Variants in DNA2 observed in about 807,000 individuals in gnomAD.
DNA2 encodes the protein DNA replication ATP-dependent helicase/nuclease DNA2.
A neutral mutation model predicts 119.1 loss-of-function variants in DNA2; 101 were observed. That is an observed-to-expected ratio of 0.85 (90% CI 0.72 to 1.00). The LOEUF (loss-of-function observed/expected upper bound fraction) is 1.00. Among genes scored for constraint, DNA2 ranks in the 50% least tolerant of loss-of-function variants. The pLI is 0.00. For synonymous variants in DNA2, 366 were observed against 424.4 expected (o/e 0.86, Z 1.69); for missense variants, 1,121 against 1,255.5 (o/e 0.89, Z 1.62).
At position 68,437,246 on chromosome 10, in the gene DNA2, G is replaced by A; in HGVS notation, c.1416-5C>T. ...ATGCAACTGCCACTCTTCTCCCTAT[G>A]AAAAGACCAAAGAGAAAAAAACTTC... On this transcript the variant is annotated splice_polypyrimidine_tract_variant and splice_region_variant and intron_variant, in intron 9 of 20. Transcript: ENST00000358410. 1 of 1,590,154 alleles carries A rather than the reference G, an allele frequency of 6.3e-7. No individual in the cohort carries two copies. Among genetic ancestry groups the A allele is most frequent in the Non-Finnish European group, 8.6e-7 (1 of 1,165,498 alleles).
At chr10:68,420,914 T>C (rs2051655896) in intron 17 of DNA2, among the ~76,000 whole-genome samples, 1 of 152,154 alleles carries the variant, frequency 6.6e-6, no homozygotes, top group South Asian at 2.1e-4. Context: ...AATTTTGCTA[T>C]GAACCTAAAA....
intron 5 of DNA2, 64 bp downstream of exon 5, chr10:68,459,040 C>T (rs2052221737): frequency 2.9e-6 from 4 of 1,363,440 alleles, no homozygotes; most frequent in African/African-American, 1.5e-5. Context: ...TGATTCAACA[C>T]ACAGAATGGC....
At position 68,438,917 on chromosome 10, in the gene DNA2, CA is replaced by C. The variant is rs1466612851; in HGVS notation, c.1416-1677del. On this transcript the variant is annotated intron_variant, in intron 9 of 20. Transcript: ENST00000358410. ...GCATGGTGGCAAGCACCTGTAATCC[CA>C]GCTATTCAGGAGGCTGAGGCAGGAG... Among the ~76,000 whole-genome samples the C allele has an allele frequency of 2.7e-5, 4 of 150,818 alleles. No homozygotes were observed. In the East Asian group the frequency reaches 7.9e-4, roughly 30 times the overall value.
intron 9 of DNA2, among the ~76,000 whole-genome samples, chr10:68,440,302 A>T (rs1261384236): frequency 2.6e-5 from 4 of 151,886 alleles, no homozygotes; most frequent in African/African-American, 9.7e-5. Flanking sequence ...TTTTTTATTT[A>T]TTTATTTATT....
At chr10:68,425,518 C>T (rs2051728714) in intron 14 of DNA2, among the ~76,000 whole-genome samples, 1 of 151,342 alleles carries the variant, frequency 6.6e-6, no homozygotes, top group African/African-American at 2.4e-5. Context: ...TCTCCTGCCT[C>T]AGCCTCCCAA....
chr10:68,457,540 TC>T (rs2052200593), intron 5 of DNA2, among the ~76,000 whole-genome samples: 1 of 152,120 alleles, frequency 6.6e-6, no homozygotes. Flanking sequence ...CACAGTCTGG[TC>T]CCCTGCTGTT....
At chr10:68,419,754 C>CTTTTTTTTTTTTTTTTTTTTTTTTTT in intron 18 of DNA2, 49 bp downstream of exon 18, 1 of 1,390,710 alleles carries the variant, frequency 7.2e-7, no homozygotes, top group African/African-American at 1.4e-5. Flanking sequence ...GTCTAACATT[C>CTTTTTTTTTTTTTTTTTTTTTTTTTT]TTTTATTCTG....
Position 68,424,936 on chromosome 10 carries a change from G to C in DNA2, c.2209-2046C>G, listed in dbSNP as rs183105492. On this transcript the variant is annotated intron_variant, in intron 14 of 20. Transcript: ENST00000358410. ...ATTATTGAACACAAAGCCAAGTCTC[G>C]ACAAGTCAGAAAAGAGAAAGGCAAA... 2.7e-4 allele frequency: 183 copies of C among 680,646 alleles called. No individual in the cohort carries two copies. In the East Asian group the frequency reaches 5.1e-3, roughly 19 times the overall value. 42.2% of individuals were successfully genotyped at this position (680,646 alleles called of 1,614,324 possible). A position where few individuals can be genotyped will look rare whatever the true frequency, so the allele number is the denominator to read the frequency against.
chr10:68,453,251 A>G (rs2052143119), intron 5 of DNA2, among the ~76,000 whole-genome samples: 2 of 152,156 alleles, frequency 1.3e-5, no homozygotes, highest in South Asian at 4.1e-4. Flanking sequence ...GTACTACTTT[A>G]GCTATAGTCT....
At chr10:68,454,757 G>T (rs567496373) in intron 5 of DNA2, among the ~76,000 whole-genome samples, 4 of 151,936 alleles carry the variant, frequency 2.6e-5, no homozygotes, top group African/African-American at 9.6e-5. Flanking sequence ...AGTGAGCCGA[G>T]ATTGCGCCAC....
At chr10:68,428,408 T>C (rs115428304) in intron 14 of DNA2, among the ~76,000 whole-genome samples, 2,045 of 150,636 alleles carry the variant, frequency 0.014, 65 homozygotes, top group African/African-American at 0.047. Context: ...AAAAACAGTT[T>C]GGCAGATTAA....
chr10:68,440,719 T>C (rs1314517557), intron 9 of DNA2, among the ~76,000 whole-genome samples: 1 of 152,158 alleles, frequency 6.6e-6, no homozygotes, highest in Non-Finnish European at 1.5e-5. Context: ...ACGCAGTCTA[T>C]CCACAATTAC....
chr10:68,420,293 C>T (rs1017987519), intron 17 of DNA2, among the ~76,000 whole-genome samples: 1 of 152,214 alleles, frequency 6.6e-6, no homozygotes, highest in Non-Finnish European at 1.5e-5. Context: ...AATCCCAGCA[C>T]TTTGGGAGGC....
intron 2 of DNA2, 120 bp downstream of exon 2, chr10:68,469,861 G>A (rs2052365955): frequency 2.2e-6 from 2 of 893,928 alleles, no homozygotes; most frequent in African/African-American, 1.7e-5. Context: ...ATTAGGCTAA[G>A]ATCAAACCTA....
chr10:68,458,154 CATA>C (rs2052209976), intron 5 of DNA2, among the ~76,000 whole-genome samples: 2 of 150,768 alleles, frequency 1.3e-5, no homozygotes, highest in East Asian at 3.9e-4. Context: ...GCCTGGGGGA[CATA>C]ATGAGACTCC....
intron 12 of DNA2, 35 bp from the exon 13 acceptor site, chr10:68,432,006 T>C (rs779038287): frequency 1.3e-6 from 2 of 1,486,468 alleles, no homozygotes; most frequent in African/African-American, 2.8e-5. Context: ...GGAAAAAGAG[T>C]GTTGAATTTC....
chr10:68,416,745 C>T lies in DNA2; in HGVS notation c.3078G>A (p.Leu1026=). The part of the protein sequence containing the change: ...CVPSLNCYPP[L]EKLLNHLNSE... Reference sequence around the variant, plus strand: ...AGTTTAAATGATTAAGCAGCTTCTCCAAAGGAGGATAGCAATTTAGTGAGG... The same window carrying T: ...AGTTTAAATGATTAAGCAGCTTCTCTAAAGGAGGATAGCAATTTAGTGAGG... Residue 1026 remains leucine, a synonymous_variant, in exon 20 of 21, where the codon TTG becomes TTA. Transcript: ENST00000358410. 1 of 1,613,730 alleles carries T rather than the reference C, an allele frequency of 6.2e-7. No homozygotes were observed. Among genetic ancestry groups the T allele is most frequent in the Non-Finnish European group, 8.5e-7 (1 of 1,179,736 alleles).
In DNA2 at chr10:68,434,748, C is replaced by T. The variant is rs542577575; in HGVS notation, c.1647-2238G>A. Among the ~76,000 whole-genome samples the T allele has an allele frequency of 5.3e-5, 8 of 152,274 alleles. No individual in the cohort carries two copies. In the South Asian group the frequency reaches 1.7e-3, roughly 32 times the overall value. Reference sequence around the variant, plus strand: ...CATGGTAGACACTAAATAAATACTGCAAAGGATACACAAATCCAAGCAGAC... The same window carrying T: ...CATGGTAGACACTAAATAAATACTGTAAAGGATACACAAATCCAAGCAGAC... On this transcript the variant is annotated intron_variant, in intron 10 of 20. Transcript: ENST00000358410.
chr10:68,419,468 T>TGC (rs1377719466), intron 18 of DNA2: 4 of 500,244 alleles, frequency 8.0e-6, no homozygotes, highest in Non-Finnish European at 1.4e-5. Context: ...ACTAAAACAG[T>TGC]GCACACACAC....
Sources: gnomAD v4.1 joint callset for allele counts (sites outside exome capture counted in the v4.1 genomes callset) on GRCh38, gnomAD v4.1.1 for gene constraint, MANE v1.5 for transcripts, NCBI Gene and HGNC (gene_info 2026-07-23, HGNC 2026-07-21) for gene names.